The following RELN variants were observed in gnomAD, a reference collection of about 807,000 sequenced individuals.
The protein encoded by RELN is reelin.
RELN carries 108 observed loss-of-function variants against 427.6 expected under a neutral mutation model. The ratio of observed to expected loss-of-function variants is 0.25; its 90% confidence interval spans 0.22 to 0.30. RELN has a LOEUF of 0.30. Ranked by LOEUF, RELN falls within the 10% of genes least tolerant of loss-of-function variation. The pLI is 1.00. For synonymous variants in RELN, 1,524 were observed against 1,513.4 expected, an observed-to-expected ratio of 1.01 and a Z score of -0.16; for missense variants, 3,715 against 4,302.8, an observed-to-expected ratio of 0.86 and a Z score of 3.82.
intron 2 of RELN, among the ~76,000 whole-genome samples, chr7:103,851,965 A>G (rs1793832717): frequency 1.3e-5 from 2 of 152,222 alleles, no homozygotes; most frequent in Non-Finnish European, 1.5e-5. Flanking sequence ...TGGCACAGCC[A>G]CAATATGGAA....
At chr7:103,869,937 C>T (rs766867222) in intron 2 of RELN, among the ~76,000 whole-genome samples, 3 of 152,114 alleles carry the variant, frequency 2.0e-5, no homozygotes, top group Non-Finnish European at 4.4e-5. Flanking sequence ...CAAACTCTGT[C>T]GCATTTGATC....
intron 61 of RELN, 132 bp from the exon 62 acceptor site, chr7:103,483,982 C>T (rs893488752): frequency 1.1e-5 from 10 of 873,024 alleles, no homozygotes; most frequent in East Asian, 2.6e-5. Context: ...TGGGTTCAAG[C>T]GATTTTCCTG....
At chr7:103,643,731 G>A (rs1401165201) in intron 16 of RELN, among the ~76,000 whole-genome samples, 1 of 151,928 alleles carries the variant, frequency 6.6e-6, no homozygotes, top group East Asian at 1.9e-4. Context: ...AAGAGATTGG[G>A]ATCCTATTTT....
chr7:103,700,112 A>G (rs1216842020), intron 9 of RELN, among the ~76,000 whole-genome samples: 1 of 152,114 alleles, frequency 6.6e-6, no homozygotes, highest in Non-Finnish European at 1.5e-5. Context: ...CACGAAACTG[A>G]TAAGAAAATA....
intron 20 of RELN, among the ~76,000 whole-genome samples, chr7:103,612,314 T>C (rs892594881): frequency 6.6e-6 from 1 of 151,144 alleles, no homozygotes; most frequent in Non-Finnish European, 1.5e-5. Flanking sequence ...AATAAGCCTT[T>C]TTTTTTTTTT....
At chr7:103,940,931 T>C (rs1796099844) in intron 1 of RELN, among the ~76,000 whole-genome samples, 1 of 152,210 alleles carries the variant, frequency 6.6e-6, no homozygotes, top group Non-Finnish European at 1.5e-5. Context: ...CATTTTGGAT[T>C]CCATCCAAGC....
At chr7:103,711,375 C>T (rs1789793758) in intron 8 of RELN, among the ~76,000 whole-genome samples, 1 of 152,216 alleles carries the variant, frequency 6.6e-6, no homozygotes, top group Admixed American at 6.5e-5. Flanking sequence ...AGAGCTTGCA[C>T]TGCACTACAT....
chr7:103,584,230 C>T (rs529670539), intron 28 of RELN, among the ~76,000 whole-genome samples: 6 of 152,288 alleles, frequency 3.9e-5, no homozygotes, highest in African/African-American at 1.2e-4. Context: ...TAGCCTTGAA[C>T]GTAATGGGCT....
chr7:103,944,518 G>A (rs1332920764), intron 1 of RELN, among the ~76,000 whole-genome samples: 2 of 152,174 alleles, frequency 1.3e-5, no homozygotes, highest in Non-Finnish European at 2.9e-5. Flanking sequence ...CCATTAAGGA[G>A]CCCTCTGACT....
intron 6 of RELN, among the ~76,000 whole-genome samples, chr7:103,738,830 A>G (rs1467555920): frequency 6.6e-6 from 1 of 151,470 alleles, no homozygotes; most frequent in Non-Finnish European, 1.5e-5. Context: ...CTACAGCTGC[A>G]TGCCATCATG....
At chr7:103,986,005 C>T (rs1021958075) in intron 1 of RELN, among the ~76,000 whole-genome samples, 5 of 151,816 alleles carry the variant, frequency 3.3e-5, no homozygotes, top group African/African-American at 4.8e-5. Flanking sequence ...GTTTGGTGCC[C>T]GAAACGCACA....
chr7:103,605,757 C>A (rs1048760870), intron 22 of RELN, among the ~76,000 whole-genome samples: 7 of 152,196 alleles, frequency 4.6e-5, no homozygotes, highest in Non-Finnish European at 1.0e-4. Flanking sequence ...CAATTACCCA[C>A]ATATTAAGTA....
chr7:103,599,309 T>C (rs1258177484), intron 24 of RELN, among the ~76,000 whole-genome samples: 1 of 152,194 alleles, frequency 6.6e-6, no homozygotes, highest in African/African-American at 2.4e-5. Context: ...GAACACCATG[T>C]ATTATAAAAA....
rs190276737 is a variant in RELN, at chr7:103,825,531, T to C, written c.473+8006A>G. Among the ~76,000 whole-genome samples, 7 of 152,304 alleles carry C rather than the reference T, an allele frequency of 4.6e-5. No homozygotes were observed. The East Asian group carries it at 1.3e-3, about 29-fold the overall frequency. ...GAAGTTATGATGGTTCAAGTTCACA[T>C]AACAATGGCAAAAAACTTAGTTTTG... On this transcript the variant is annotated intron_variant, in intron 3 of 64. Coordinates refer to ENST00000428762, the MANE Select transcript of RELN (RefSeq NM_005045.4).
chr7:103,500,033 T>C (rs1828973928), intron 53 of RELN, among the ~76,000 whole-genome samples: 1 of 152,166 alleles, frequency 6.6e-6, no homozygotes, highest in Non-Finnish European at 1.5e-5. Context: ...ACAGAACAGG[T>C]TTGATTTACA....
At chr7:103,523,571 A>G in intron 46 of RELN, 40 bp from the exon 47 acceptor site, 1 of 1,611,960 alleles carries the variant, frequency 6.2e-7, no homozygotes. Context: ...GATGCTGTGG[A>G]AAAGAAAATG....
At chr7:103,568,420 T>C (rs955446638) in intron 31 of RELN, among the ~76,000 whole-genome samples, 1 of 152,190 alleles carries the variant, frequency 6.6e-6, no homozygotes, top group Non-Finnish European at 1.5e-5. Context: ...GATGAAAATA[T>C]GTTCAAATAA....
chr7:103,933,280 A>C (rs1239679896), intron 1 of RELN, among the ~76,000 whole-genome samples: 1 of 152,126 alleles, frequency 6.6e-6, no homozygotes, highest in African/African-American at 2.4e-5. Flanking sequence ...AATTTTGCAT[A>C]ATTTGATGTT....
At chr7:103,606,855 G>T (rs1211032845) in intron 22 of RELN, among the ~76,000 whole-genome samples, 1 of 151,774 alleles carries the variant, frequency 6.6e-6, no homozygotes, top group Non-Finnish European at 1.5e-5. Context: ...ACCACAATCC[G>T]GTATGTGATG....
Sources: allele counts gnomAD v4.1 joint callset (sites outside exome capture counted in the v4.1 genomes callset), GRCh38; gene constraint gnomAD v4.1.1; transcripts MANE v1.5; gene names NCBI Gene and HGNC (gene_info 2026-07-23, HGNC 2026-07-21).